Variants in DIP2C observed in about 807,000 individuals in gnomAD.
DIP2C encodes the protein DIP2 acetate--CoA ligase C (putative).
In DIP2C, 33 loss-of-function variants were observed where a neutral mutation model predicts 192.4. The ratio of observed to expected loss-of-function variants is 0.17; its 90% CI spans 0.13 to 0.23. The LOEUF is 0.23. Ranked by LOEUF, DIP2C falls within the 10% of genes least tolerant of loss-of-function variation. DIP2C has a pLI of 1.00. For missense variants in DIP2C, 1,537 were observed against 2,110.1 expected, an observed-to-expected ratio of 0.73 and a Z score of 5.32; for synonymous variants, 979 against 864.1, an observed-to-expected ratio of 1.13 and a Z score of -2.33.
rs887982810 is a variant in DIP2C at position 383,014 on chromosome 10, T to C, written c.1877-253A>G. Among the ~76,000 whole-genome samples the C allele has an allele frequency of 1.3e-5, 2 of 152,242 alleles. 1 individual carries two copies. The highest frequency in any genetic ancestry group is 4.1e-4 in the South Asian group (2 of 4,834). On this transcript the variant is annotated intron_variant, in intron 16 of 36. Coordinates refer to ENST00000280886, the MANE Select transcript of DIP2C (RefSeq NM_014974.3). ...GACAGATGAACTTACTTTAGTAACT[T>C]TTCTGAGACTTGTTCCACCATTTTC...
intron 1 of DIP2C, among the ~76,000 whole-genome samples, chr10:500,865 ATCTT>A (rs568888845): frequency 4.3e-4 from 65 of 152,302 alleles, no homozygotes; most frequent in Non-Finnish European, 7.9e-4. Context: ...AAATGCTAAG[ATCTT>A]TCTATCATCC....
chr10:552,928 T>C (rs1179475963), intron 1 of DIP2C, among the ~76,000 whole-genome samples: 2 of 152,224 alleles, frequency 1.3e-5, no homozygotes, highest in African/African-American at 2.4e-5. Context: ...GAAAAGCTCA[T>C]TGTGGAGGCC....
intron 22 of DIP2C, among the ~76,000 whole-genome samples, chr10:359,479 G>A (rs1176885386): frequency 6.6e-6 from 1 of 152,182 alleles, no homozygotes; most frequent in South Asian, 2.1e-4. Flanking sequence ...CTGTGTAACA[G>A]TAAGATGCCT....
intron 31 of DIP2C, chr10:324,946 C>T (rs1489992050): frequency 5.6e-6 from 3 of 533,068 alleles, no homozygotes; most frequent in East Asian, 1.1e-4. Flanking sequence ...TCCTACTGAG[C>T]GTACTCCTTC....
chr10:388,233 A>T (rs1963146583), intron 13 of DIP2C, among the ~76,000 whole-genome samples: 1 of 152,228 alleles, frequency 6.6e-6, no homozygotes, highest in Admixed American at 6.5e-5. Flanking sequence ...CTCTACTGCA[A>T]GTCTCCAAGG....
rs568130712 is a variant in DIP2C, at chr10:643,036, T to C, written c.85+46458A>G. 2.2e-3 allele frequency among the ~76,000 whole-genome samples: 321 copies of C among 148,432 alleles called. 1 individual carries two copies. The highest frequency in any genetic ancestry group is 7.4e-3 in the Middle Eastern group (2 of 270). On this transcript the variant is annotated intron_variant, in intron 1 of 36. Transcript: ENST00000280886. ...CAGACCAACATGGCAAAATCCCGTC[T>C]CTACTAAAAATACAAAAATCAGCCA...
At chr10:586,112 C>G (rs888466902) in intron 1 of DIP2C, among the ~76,000 whole-genome samples, 19 of 152,294 alleles carry the variant, frequency 1.2e-4, no homozygotes, top group African/African-American at 4.6e-4. Context: ...CAAGACCACA[C>G]CACACTTCCC....
rs545507101 is a variant in DIP2C at position 519,171 on chromosome 10, T to G, written c.86-32641A>C. Among the ~76,000 whole-genome samples, 7 of 152,352 alleles carry G rather than the reference T, an allele frequency of 4.6e-5. No individual in the cohort carries two copies. The East Asian group carries it at 1.4e-3, about 29-fold the overall frequency. Reference sequence around the variant, plus strand: ...CTCAGGTAACCCAGGCCTAAGCCGCTGGCACCAACGATCTCCTGGCTGCAG... The same window carrying G: ...CTCAGGTAACCCAGGCCTAAGCCGCGGGCACCAACGATCTCCTGGCTGCAG... On this transcript the variant is annotated intron_variant, in intron 1 of 36. Transcript: ENST00000280886.
At chr10:492,813 A>G (rs1219949056) in intron 1 of DIP2C, among the ~76,000 whole-genome samples, 1 of 152,220 alleles carries the variant, frequency 6.6e-6, no homozygotes, top group Non-Finnish European at 1.5e-5. Flanking sequence ...AAGGGGATTA[A>G]AGGAAACAGC....
chr10:629,273 C>G (rs994638002), intron 1 of DIP2C, among the ~76,000 whole-genome samples: 6 of 152,130 alleles, frequency 3.9e-5, no homozygotes, highest in African/African-American at 1.4e-4. Context: ...GAGGATCCCT[C>G]TCCTGAGGAC....
At chr10:688,247 C>T (rs537507400) in intron 1 of DIP2C, among the ~76,000 whole-genome samples, 1 of 152,262 alleles carries the variant, frequency 6.6e-6, no homozygotes, top group East Asian at 1.9e-4. Context: ...GACTCTGCCC[C>T]CCGCCAACTG....
At chr10:321,021 G>GCAGA (rs1263478192) in intron 31 of DIP2C, among the ~76,000 whole-genome samples, 23 of 106,540 alleles carry the variant, frequency 2.2e-4, no homozygotes, top group Non-Finnish European at 4.0e-4. Flanking sequence ...TATGAAGCAG[G>GCAGA]AAAGACTGCA....
intron 1 of DIP2C, among the ~76,000 whole-genome samples, chr10:607,670 T>C (rs1327488253): frequency 1.3e-5 from 2 of 152,156 alleles, no homozygotes; most frequent in Non-Finnish European, 2.9e-5. Context: ...AACGATGCAA[T>C]GAGTGTGACT....
intron 1 of DIP2C, chr10:650,446 G>T (rs1564305132): frequency 1.4e-6 from 1 of 709,366 alleles, no homozygotes; most frequent in Non-Finnish European, 2.6e-6. Flanking sequence ...ATCTATGGTA[G>T]GTGACCCGGT....
chr10:510,581 G>T (rs762438039), intron 1 of DIP2C, among the ~76,000 whole-genome samples: 11 of 152,242 alleles, frequency 7.2e-5, no homozygotes, highest in Non-Finnish European at 1.5e-4. Context: ...CAGGGTCAGA[G>T]CCAAGTGCTG....
chr10:634,762 AAAAAAGAAAAAG>A (rs368236289), intron 1 of DIP2C, among the ~76,000 whole-genome samples: 364 of 152,236 alleles, frequency 2.4e-3, no homozygotes, highest in African/African-American at 5.8e-3. Flanking sequence ...AAAAATAAAA[AAAAAAGAAAAAG>A]AAAAAGAAAA....
intron 32 of DIP2C, among the ~76,000 whole-genome samples, chr10:307,953 C>T (rs1294150160): frequency 7.0e-6 from 1 of 142,692 alleles, no homozygotes; most frequent in Non-Finnish European, 1.5e-5. Context: ...GGGCCCGGCA[C>T]ACGGTCCATC....
intron 24 of DIP2C, among the ~76,000 whole-genome samples, chr10:350,741 C>A (rs1821035565): frequency 6.8e-6 from 1 of 147,744 alleles, no homozygotes; most frequent in Non-Finnish European, 1.5e-5. Context: ...CGGATTCAAG[C>A]AATTCTCCCG....
chr10:502,989 G>A lies in DIP2C; in HGVS notation c.86-16459C>T, dbSNP rs1362766981. Among the ~76,000 whole-genome samples the A allele has an allele frequency of 6.2e-5, 9 of 145,448 alleles. No homozygotes were observed. The East Asian group carries it at 1.6e-3, about 26-fold the overall frequency. ...CCAGCATAAATCCTGGCAGGACACC[G>A]ACCTGCAGACTTATTACAATTCCAG... On this transcript the variant is annotated intron_variant, in intron 1 of 36. Transcript: ENST00000280886.
Sources: allele counts gnomAD v4.1 joint callset (sites outside exome capture counted in the v4.1 genomes callset), GRCh38; gene constraint gnomAD v4.1.1; transcripts MANE v1.5; gene names NCBI Gene and HGNC (gene_info 2026-07-23, HGNC 2026-07-21).